The following CSMD3 variants were observed in gnomAD, a reference collection of about 807,000 sequenced individuals.
The protein encoded by CSMD3 is CUB and sushi domain-containing protein 3.
In CSMD3, 177 loss-of-function variants were observed where a neutral mutation model predicts 435.2. The ratio of observed to expected loss-of-function variants is 0.41; its 90% CI spans 0.36 to 0.46. The LOEUF (loss-of-function observed/expected upper bound fraction) is 0.46, where lower values mean the gene tolerates loss of function less well. Ranked by LOEUF, CSMD3 falls within the 20% of genes least tolerant of loss-of-function variation. The pLI, the probability that CSMD3 is intolerant of heterozygous loss-of-function variation, is 0.34. For synonymous variants in CSMD3, 1,656 were observed against 1,520.5 expected, an observed-to-expected ratio of 1.09 and a Z score of -2.07; for missense variants, 4,265 against 4,504.6, an observed-to-expected ratio of 0.95 and a Z score of 1.52.
intron 11 of CSMD3, among the ~76,000 whole-genome samples, chr8:112,851,812 G>T (rs2432737): frequency 0.14 from 21,316 of 151,906 alleles, 1,734 homozygotes; most frequent in Middle Eastern, 0.3. Context: ...CTACACCTGG[G>T]ATTAGTAGCT....
chr8:113,174,982 C>T (rs2092326318), intron 3 of CSMD3, among the ~76,000 whole-genome samples: 1 of 151,702 alleles, frequency 6.6e-6, no homozygotes, highest in Admixed American at 6.6e-5. Flanking sequence ...AAATAATAAG[C>T]TGAAAGTCAT....
At chr8:113,178,805 G>A (rs2092383786) in intron 3 of CSMD3, among the ~76,000 whole-genome samples, 1 of 151,866 alleles carries the variant, frequency 6.6e-6, no homozygotes. Flanking sequence ...GGAAATGGTA[G>A]GGTAGTGTAG....
At position 112,406,504 on chromosome 8, in the gene CSMD3, A is replaced by G; in HGVS notation, c.5809+20T>C. 1 of 1,541,372 alleles carries G rather than the reference A, an allele frequency of 6.5e-7. No individual in the cohort carries two copies. The highest frequency in any genetic ancestry group is 8.9e-7 in the Non-Finnish European group (1 of 1,117,384). Reference sequence around the variant, plus strand: ...TATAAACTATGTATAATCACAGATCATACAAATTTATATACTCACCAATAC... The same window carrying G: ...TATAAACTATGTATAATCACAGATCGTACAAATTTATATACTCACCAATAC... On this transcript the variant is annotated intron_variant, in intron 35 of 70. Transcript: ENST00000297405.
intron 25 of CSMD3, 123 bp from the exon 26 acceptor site, chr8:112,552,843 G>C (rs886943037): frequency 7.3e-5 from 60 of 823,380 alleles, no homozygotes; most frequent in Admixed American, 2.1e-4. Context: ...GTATACATTT[G>C]TATAAACTTT....
intron 13 of CSMD3, among the ~76,000 whole-genome samples, chr8:112,776,883 T>C (rs2078259890): frequency 6.6e-6 from 1 of 151,770 alleles, no homozygotes. Flanking sequence ...ACAATAAATA[T>C]ACAATTTAAT....
chr8:112,843,442 C>T (rs563400203), intron 11 of CSMD3, among the ~76,000 whole-genome samples: 10 of 151,964 alleles, frequency 6.6e-5, no homozygotes, highest in African/African-American at 2.4e-4. Flanking sequence ...GATGTCCACT[C>T]CCTAATCCAA....
chr8:113,153,130 A>AAGGAAGGAAGGAAGGAAG lies in CSMD3; in HGVS notation c.709+20591_709+20592insCTTCCTTCCTTCCTTCCT, dbSNP rs2091858713. On this transcript the variant is annotated intron_variant, in intron 4 of 70. Transcript: ENST00000297405. ...GAAAGAAAGAAAGAAAGAAAGAGAA[A>AAGGAAGGAAGGAAGGAAG]GAAGGAAGGAAGGAAGGAAGGAAGG... Among the ~76,000 whole-genome samples, 3 of 82,766 alleles carry AAGGAAGGAAGGAAGGAAG rather than the reference A, an allele frequency of 3.6e-5. No individual in the cohort carries two copies. In the East Asian group the frequency reaches 1.2e-3, roughly 33 times the overall value. 54.3% of individuals were successfully genotyped at this position (82,766 alleles called of 152,430 possible).
chr8:113,425,370 T>C (rs1020285996), intron 1 of CSMD3, among the ~76,000 whole-genome samples: 12 of 151,530 alleles, frequency 7.9e-5, no homozygotes, highest in African/African-American at 2.9e-4. Context: ...AATTTCTTTT[T>C]AGGCCTTTGT....
chr8:112,709,884 C>T (rs1007123359), intron 13 of CSMD3, among the ~76,000 whole-genome samples: 1 of 131,964 alleles, frequency 7.6e-6, no homozygotes, highest in Non-Finnish European at 1.6e-5. Flanking sequence ...TTTTCACCTC[C>T]CTTTATCTCA....
intron 3 of CSMD3, among the ~76,000 whole-genome samples, chr8:113,257,244 TAAA>T (rs1222306364): frequency 1.3e-5 from 2 of 151,900 alleles, no homozygotes; most frequent in Non-Finnish European, 2.9e-5. Flanking sequence ...ACCTCCCTAC[TAAA>T]AAAATTCAAA....
At chr8:112,680,065 T>C (rs2075853760) in intron 16 of CSMD3, among the ~76,000 whole-genome samples, 1 of 152,162 alleles carries the variant, frequency 6.6e-6, no homozygotes. Context: ...CAAATACTAA[T>C]GTGTGGCCGT....
intron 10 of CSMD3, among the ~76,000 whole-genome samples, chr8:112,892,803 A>T (rs1404086712): frequency 1.3e-5 from 2 of 151,266 alleles, no homozygotes; most frequent in Non-Finnish European, 3.0e-5. Context: ...TTAACCTGCA[A>T]TTTTTCTCTA....
intron 35 of CSMD3, among the ~76,000 whole-genome samples, chr8:112,405,745 T>G (rs1831796411): frequency 6.6e-6 from 1 of 152,046 alleles, no homozygotes; most frequent in African/African-American, 2.4e-5. Flanking sequence ...AAGAAAAAAT[T>G]AATTCATATT....
chr8:112,985,037 T>TAGATA (rs1172678224), intron 6 of CSMD3, among the ~76,000 whole-genome samples: 2 of 151,492 alleles, frequency 1.3e-5, no homozygotes, highest in Admixed American at 6.6e-5. Flanking sequence ...GATAGATAGA[T>TAGATA]AATCTTCACC....
At chr8:113,404,176 A>G (rs1241939802) in intron 1 of CSMD3, among the ~76,000 whole-genome samples, 3 of 151,444 alleles carry the variant, frequency 2.0e-5, no homozygotes, top group Non-Finnish European at 4.4e-5. Flanking sequence ...ATTTGTATGT[A>G]CTATATGAAT....
intron 22 of CSMD3, among the ~76,000 whole-genome samples, chr8:112,603,187 T>C (rs1419382081): frequency 6.6e-6 from 1 of 152,240 alleles, no homozygotes; most frequent in Non-Finnish European, 1.5e-5. Flanking sequence ...CCAATTCACA[T>C]TTTTTCTTGT....
At chr8:112,495,849 T>G (rs1821278489) in intron 30 of CSMD3, among the ~76,000 whole-genome samples, 1 of 151,944 alleles carries the variant, frequency 6.6e-6, no homozygotes, top group Non-Finnish European at 1.5e-5. Context: ...GAAGATATAT[T>G]TTAGATCGCT....
intron 1 of CSMD3, among the ~76,000 whole-genome samples, chr8:113,350,410 G>A (rs2094182412): frequency 6.6e-6 from 1 of 152,108 alleles, no homozygotes; most frequent in South Asian, 2.1e-4. Flanking sequence ...ATCGTGGTAA[G>A]AACTGTTATG....
intron 32 of CSMD3, among the ~76,000 whole-genome samples, chr8:112,469,480 G>A (rs1009998608): frequency 2.0e-5 from 3 of 152,136 alleles, no homozygotes; most frequent in African/African-American, 4.8e-5. Context: ...CTAAATCAGT[G>A]GTTCCCAACC....
Sources: allele counts gnomAD v4.1 joint callset (sites outside exome capture counted in the v4.1 genomes callset), GRCh38; gene constraint gnomAD v4.1.1; transcripts MANE v1.5; gene names NCBI Gene and HGNC (gene_info 2026-07-23, HGNC 2026-07-21).